The following RBFOX3 variants were observed in gnomAD, a reference collection of about 807,000 sequenced individuals.
The protein encoded by RBFOX3 is RNA binding fox-1 homolog 3.
A neutral mutation model predicts 48.7 loss-of-function variants in RBFOX3; 17 were observed. The observed-to-expected ratio is 0.35, with a 90% CI of 0.24 to 0.52. The LOEUF is 0.52. Among genes scored for constraint, RBFOX3 ranks in the 20% least tolerant of loss-of-function variants. RBFOX3 has a pLI of 0.94. For missense variants in RBFOX3, 382 were observed against 497.5 expected (o/e 0.77, Z 2.21); for synonymous variants, 212 against 209.5 (o/e 1.01, Z -0.10).
chr17:79,209,165 G>A (rs1265442888), intron 4 of RBFOX3, among the ~76,000 whole-genome samples: 1 of 152,098 alleles, frequency 6.6e-6, no homozygotes. Flanking sequence ...TCTCCCACCA[G>A]GCCACCCATG....
intron 5 of RBFOX3, among the ~76,000 whole-genome samples, chr17:79,107,768 C>T (rs1017592405): frequency 1.1e-4 from 17 of 152,242 alleles, no homozygotes; most frequent in African/African-American, 3.1e-4. Context: ...GCAGCCAAAC[C>T]GCAGGTGCCA....
rs889906826 is a variant in RBFOX3, at chr17:79,288,459, C to T, written c.-74+19265G>A. Among the ~76,000 whole-genome samples, 4 of 151,362 alleles carry T rather than the reference C, an allele frequency of 2.6e-5. No individual in the cohort carries two copies. In the East Asian group the frequency reaches 7.8e-4, roughly 29 times the overall value. On this transcript the variant is annotated intron_variant, in intron 3 of 14. Transcript: ENST00000693108. The stretch of plus-strand genomic sequence containing the variant: ...GGTAGTGGGGCCCGATAACCACTGC[C>T]CCTTTCCATTCTCTGCAGCCCCCCC...
chr17:79,661,023 A>G, the RBFOX3 span, among the ~76,000 whole-genome samples: 3 of 152,222 alleles, frequency 2.0e-5, no homozygotes, highest in Non-Finnish European at 4.4e-5. Flanking sequence ...GTAAACTAAC[A>G]CAGGAACAGA....
intron 1 of RBFOX3, among the ~76,000 whole-genome samples, chr17:79,581,141 G>A (rs1162441415): frequency 1.3e-5 from 2 of 152,276 alleles, no homozygotes; most frequent in African/African-American, 2.4e-5. Context: ...CCAGCTACTC[G>A]GGAGGCTGAG....
At chr17:79,098,869 G>C (rs1007252147) in intron 9 of RBFOX3, 3 of 152,414 alleles carry the variant, frequency 2.0e-5, no homozygotes, top group African/African-American at 7.2e-5. Context: ...GGCCAGCTGG[G>C]GAGATACATC....
In RBFOX3 at chr17:79,496,009, C is replaced by T. The variant is rs916302038; in HGVS notation, c.-319-13411G>A. Reference sequence around the variant, plus strand: ...TGGTTAATAAGATTAGGATGTTGAACGGCCGACATGTTCTCCGAGACTGGC... The same window carrying T: ...TGGTTAATAAGATTAGGATGTTGAATGGCCGACATGTTCTCCGAGACTGGC... On this transcript the variant is annotated intron_variant, in intron 1 of 14. Coordinates refer to ENST00000693108, the MANE Select transcript of RBFOX3 (RefSeq NM_001350451.2). Among the ~76,000 whole-genome samples the T allele has an allele frequency of 5.3e-5, 8 of 152,034 alleles. No homozygotes were observed. The South Asian group carries it at 6.2e-4, about 12-fold the overall frequency.
chr17:79,615,401 G>A (rs1051933921), upstream of RBFOX3, among the ~76,000 whole-genome samples: 89 of 152,196 alleles, frequency 5.8e-4, no homozygotes, highest in African/African-American at 1.9e-3. Flanking sequence ...TCTAGTAAGC[G>A]GGCAGGGATC....
At position 79,101,444 on chromosome 17, in the gene RBFOX3, C is replaced by T. The variant is rs184380371; in HGVS notation, c.568+140G>A. 4.1e-4 allele frequency: 307 copies of T among 748,462 alleles called. 1 individual carries two copies. In the African/African-American group the frequency reaches 4.4e-3, roughly 11 times the overall value. 46.4% of individuals were successfully genotyped at this position (748,462 alleles called of 1,614,324 possible). ...CACCCGCTTCTGACCGGGAGCAGAG[C>T]GGCAGCCCCAGGGCTGGGACACTGG... is the stretch of plus-strand genomic sequence containing the variant. On this transcript the variant is annotated intron_variant, in intron 9 of 14. Coordinates refer to ENST00000693108, the MANE Select transcript of RBFOX3 (RefSeq NM_001350451.2).
At chr17:79,217,102 G>A (rs955453578) in intron 4 of RBFOX3, among the ~76,000 whole-genome samples, 7 of 152,194 alleles carry the variant, frequency 4.6e-5, no homozygotes, top group Admixed American at 1.3e-4. Context: ...GCCCCTCCCC[G>A]CACGGCCAAG....
rs2063574322 is a variant in RBFOX3, at chr17:79,249,090, C to T, written c.-73-13285G>A. Among the ~76,000 whole-genome samples the T allele has an allele frequency of 1.3e-5, 2 of 152,316 alleles. No individual in the cohort carries two copies. The highest frequency in any genetic ancestry group is 2.4e-5 in the African/African-American group (1 of 41,582). On this transcript the variant is annotated intron_variant, in intron 3 of 14. Transcript: ENST00000693108. This position sits in a 1 kb window ranked among gnomAD's most constrained non-coding sequence, Gnocchi z 4.1. ...CTCCCCTGGGTCGGCAACGCCACCT[C>T]GCTTCCTGCAGCTGACAAAGGACTC...
rs996874517 is a variant in RBFOX3, at chr17:79,214,707, G to A, written c.-34+21059C>T. Among the ~76,000 whole-genome samples the A allele has an allele frequency of 1.3e-5, 2 of 152,024 alleles. No homozygotes were observed. The highest frequency in any genetic ancestry group is 4.8e-5 in the African/African-American group (2 of 41,390). ...GTGGCCATCTGGGAAGCCCAGGAGG[G>A]GAGGCTGGAGGCCCAGGGGCCCCCA... On this transcript the variant is annotated intron_variant, in intron 4 of 14. Transcript: ENST00000693108. The surrounding 1 kb of genome is among the most constrained non-coding windows in gnomAD (Gnocchi z 4.7).
chr17:79,640,680 G>C, the RBFOX3 span, among the ~76,000 whole-genome samples: 1 of 151,926 alleles, frequency 6.6e-6, no homozygotes, highest in East Asian at 1.9e-4. Flanking sequence ...TTCAACAAGG[G>C]TGCCAAAAAC....
At chr17:79,163,395 C>T (rs1425771305) in intron 4 of RBFOX3, among the ~76,000 whole-genome samples, 2 of 152,226 alleles carry the variant, frequency 1.3e-5, no homozygotes, top group East Asian at 1.9e-4. Flanking sequence ...AAACAAGACT[C>T]CAGGGATGCT....
chr17:79,604,177 C>T (rs974597589), intron 1 of RBFOX3, among the ~76,000 whole-genome samples: 178 of 152,336 alleles, frequency 1.2e-3, no homozygotes, highest in African/African-American at 4.1e-3. Context: ...GATGTACAAC[C>T]TCAGAACCTC....
intron 2 of RBFOX3, among the ~76,000 whole-genome samples, chr17:79,320,080 C>A (rs565274847): frequency 1.3e-5 from 2 of 152,210 alleles, no homozygotes; most frequent in African/African-American, 4.8e-5. Context: ...CTTCTCTGGG[C>A]TGCTGGTCTT....
intron 3 of RBFOX3, among the ~76,000 whole-genome samples, chr17:79,274,001 G>A (rs372658295): frequency 5.9e-5 from 9 of 152,154 alleles, no homozygotes; most frequent in East Asian, 1.9e-4. Context: ...AGTGTCCAGC[G>A]CCACCCTGGC....
intron 14 of RBFOX3, among the ~76,000 whole-genome samples, chr17:79,093,101 G>C (rs1032392149): frequency 1.2e-4 from 18 of 152,236 alleles, no homozygotes; most frequent in African/African-American, 4.1e-4. Context: ...CGCTGGGAGA[G>C]GCAAGCCTGC....
chr17:79,558,518 G>A lies in RBFOX3; in HGVS notation c.-320+52308C>T, dbSNP rs966464666. 1.6e-4 allele frequency among the ~76,000 whole-genome samples: 24 copies of A among 152,164 alleles called. No individual in the cohort carries two copies. The East Asian group carries it at 2.1e-3, about 14-fold the overall frequency. On this transcript the variant is annotated intron_variant, in intron 1 of 14. Transcript: ENST00000693108. ...AGAAACACCAGGGCCCACACTTCCC[G>A]GCTGCCCAGGAGGGAGGCAAGACCA...
chr17:79,367,302 C>T (rs1349866288), intron 2 of RBFOX3, among the ~76,000 whole-genome samples: 1 of 142,618 alleles, frequency 7.0e-6, no homozygotes, highest in East Asian at 2.2e-4. Context: ...TCCTCCCTCT[C>T]CTCTTCCCCC....
Sources: gnomAD v4.1 joint callset for allele counts (sites outside exome capture counted in the v4.1 genomes callset) on GRCh38, gnomAD v4.1.1 for gene constraint, Gnocchi (gnomAD v3.1) non-coding constraint, MANE v1.5 for transcripts, NCBI Gene and HGNC (gene_info 2026-07-23, HGNC 2026-07-21) for gene names.